Variants in GLI3 observed in about 807,000 individuals in gnomAD.
The protein encoded by GLI3 is GLI family zinc finger 3, also known as transcription activator GLI3.
GLI3 carries 20 observed loss-of-function variants against 100.8 expected under a neutral mutation model. The observed-to-expected ratio is 0.20, with a 90% CI of 0.14 to 0.29. The LOEUF (loss-of-function observed/expected upper bound fraction) is 0.29. Among genes scored for constraint, GLI3 ranks in the 10% least tolerant of loss-of-function variants. The pLI is 1.00. For synonymous variants in GLI3, 938 were observed against 860.5 expected (o/e 1.09, Z -1.58); for missense variants, 2,040 against 2,128.5 (o/e 0.96, Z 0.82).
chr7:42,199,724 G>A (rs1440999431), intron 2 of GLI3, among the ~76,000 whole-genome samples: 1 of 152,216 alleles, frequency 6.6e-6, no homozygotes, highest in Admixed American at 6.5e-5. Context: ...ATGATGGGCT[G>A]AGGCCAAGGA....
At chr7:42,045,844 A>T (rs956780131) in intron 5 of GLI3, among the ~76,000 whole-genome samples, 1 of 152,236 alleles carries the variant, frequency 6.6e-6, no homozygotes, top group Non-Finnish European at 1.5e-5. Flanking sequence ...CCCCAAATAA[A>T]ATCATTTTTA....
Position 42,045,421 on chromosome 7 carries a change from C to T in GLI3, c.789G>A (p.Thr263=), listed in dbSNP as rs199918341. 8 of 1,614,100 alleles carry T rather than the reference C, an allele frequency of 5.0e-6. No individual in the cohort carries two copies. The East Asian group carries it at 1.3e-4, about 27-fold the overall frequency. The change falls in exon 6 of 15, where the codon ACG becomes ACA. Residue 263 remains threonine (T), a synonymous_variant. Transcript: ENST00000395925. ...DIIPSAATAG[T]GAIHMEYLHA... ...GAAGATATTCCATGTGGATGGCCCC[C>T]GTGCCGGCGGTGGCAGCTGAGGGAA...
At chr7:42,039,348 A>C (rs846323) in intron 7 of GLI3, among the ~76,000 whole-genome samples, 1 of 152,028 alleles carries the variant, frequency 6.6e-6, no homozygotes, top group Non-Finnish European at 1.5e-5. Flanking sequence ...GTACCTTCAC[A>C]TGCAAAAACA....
chr7:41,996,681 T>C (rs1245462557), intron 10 of GLI3, among the ~76,000 whole-genome samples: 1 of 152,174 alleles, frequency 6.6e-6, no homozygotes, highest in Non-Finnish European at 1.5e-5. Context: ...ATGACAATGC[T>C]TTTAATCGCT....
rs1554337055 is a variant in GLI3, at chr7:42,182,660, A to ATATATATATATATACATGTGTGTGTG, written c.125-34193_125-34192insCACACACACATGTATATATATATATA. 1.4e-3 allele frequency among the ~76,000 whole-genome samples: 84 copies of ATATATATATATATACATGTGTGTGTG among 59,096 alleles called. 1 individual carries two copies. The highest frequency in any genetic ancestry group is 3.5e-3 in the African/African-American group (36 of 10,302). The allele number at this position is 59,096 out of a possible 152,430, so 38.8% of individuals were successfully genotyped here. The stretch of plus-strand genomic sequence containing the variant: ...TATGTGTGTGTATATATATATATAT[A>ATATATATATATATACATGTGTGTGTG]TATATATATATATATATATATACAC... On this transcript the variant is annotated intron_variant, in intron 2 of 14. Transcript: ENST00000395925.
intron 2 of GLI3, among the ~76,000 whole-genome samples, chr7:42,179,720 TGAGA>T (rs774935329): frequency 6.6e-6 from 1 of 151,918 alleles, no homozygotes; most frequent in Non-Finnish European, 1.5e-5. Context: ...TGTGTATGTG[TGAGA>T]GAGTGAGAGA....
At chr7:42,187,403 T>C (rs140215361) in intron 2 of GLI3, among the ~76,000 whole-genome samples, 11 of 152,272 alleles carry the variant, frequency 7.2e-5, no homozygotes, top group African/African-American at 1.4e-4. Flanking sequence ...TTATCAAGTT[T>C]ATCACTGAAG....
chr7:42,106,812 T>G (rs1785586641), intron 3 of GLI3, among the ~76,000 whole-genome samples: 2 of 152,150 alleles, frequency 1.3e-5, no homozygotes, highest in Non-Finnish European at 2.9e-5. Context: ...TTTGCTATTT[T>G]CCAGTGTCCC....
chr7:42,023,518 G>A lies in GLI3; in HGVS notation c.1447C>T (p.His483Tyr). 1.2e-6 allele frequency: 2 copies of A among 1,613,994 alleles called. No homozygotes were observed. The highest frequency in any genetic ancestry group is 1.7e-6 in the Non-Finnish European group (2 of 1,179,958). Residue 483 changes from histidine (H) to tyrosine (Y), a missense_variant, in exon 10 of 15, where the codon CAC becomes TAC. Transcript: ENST00000395925. ...AACTCCCTCGCGCAGCCTTCCCAGTGGCAGTTTGTCTCATAGATGACTTCA... is the reference window on the plus strand; with the variant it reads ...AACTCCCTCGCGCAGCCTTCCCAGTAGCAGTTTGTCTCATAGATGACTTCA... ...EPEVIYETNC[H>Y]WEGCAREFDT...
In GLI3 at chr7:41,963,520, C is replaced by T. The variant is rs758517726; in HGVS notation, c.*810G>A. On this transcript the variant is annotated 3_prime_UTR_variant, in exon 15 of 15. Coordinates refer to ENST00000395925, the MANE Select transcript of GLI3 (RefSeq NM_000168.6). The stretch of plus-strand genomic sequence containing the variant: ...CCAACTGTCCGTCCCTTCTCTCTAA[C>T]TGCAGTGCGAAACAGCACTGAATGT... 1 of 152,240 alleles carries T rather than the reference C, an allele frequency of 6.6e-6. No individual in the cohort carries two copies. The highest frequency in any genetic ancestry group is 1.5e-5 in the Non-Finnish European group (1 of 68,052). The allele number at this position is 152,240 out of a possible 1,614,324, so 9.4% of individuals were successfully genotyped here. A position where few individuals can be genotyped will look rare whatever the true frequency, so the allele number is the denominator to read the frequency against.
chr7:41,976,801 C>T (rs1787525118), intron 12 of GLI3, among the ~76,000 whole-genome samples: 1 of 152,212 alleles, frequency 6.6e-6, no homozygotes, highest in African/African-American at 2.4e-5. Flanking sequence ...AGAATTTGAG[C>T]TAGACCTCCA....
At chr7:42,181,964 G>A (rs1181748845) in intron 2 of GLI3, among the ~76,000 whole-genome samples, 1 of 152,176 alleles carries the variant, frequency 6.6e-6, no homozygotes, top group Non-Finnish European at 1.5e-5. Context: ...CCTTGTAGAT[G>A]AGCTAGCTTT....
intron 2 of GLI3, among the ~76,000 whole-genome samples, chr7:42,204,291 C>T (rs916390096): frequency 2.0e-5 from 3 of 152,110 alleles, no homozygotes; most frequent in African/African-American, 7.2e-5. Flanking sequence ...CCCAAACCAC[C>T]GAGAATGCTC....
At position 42,102,406 on chromosome 7, in the gene GLI3, C is replaced by T. The variant is rs970972804; in HGVS notation, c.368-25549G>A. ...GCTCATTCCCCCAGGGAGACTCTCA[C>T]GCCTGCTTCCTATGCCTCTACAGCA... On this transcript the variant is annotated intron_variant, in intron 3 of 14. Coordinates refer to ENST00000395925, the MANE Select transcript of GLI3 (RefSeq NM_000168.6). Among the ~76,000 whole-genome samples the T allele has an allele frequency of 9.9e-5, 15 of 152,226 alleles. No individual in the cohort carries two copies. In the South Asian group the frequency reaches 1.0e-3, roughly 11 times the overall value.
intron 7 of GLI3, among the ~76,000 whole-genome samples, chr7:42,029,938 G>A (rs78276944): frequency 0.032 from 4,901 of 152,286 alleles, 173 homozygotes; most frequent in African/African-American, 0.088. Flanking sequence ...GAGCAGACAC[G>A]CAGTACTGAG....
intron 7 of GLI3, among the ~76,000 whole-genome samples, chr7:42,037,505 T>C (rs566434437): frequency 6.6e-6 from 1 of 152,318 alleles, no homozygotes; most frequent in East Asian, 1.9e-4. Flanking sequence ...ATCATCATTA[T>C]ATGGGAAGCT....
chr7:42,174,039 A>G (rs1211030126), intron 2 of GLI3, among the ~76,000 whole-genome samples: 1 of 152,194 alleles, frequency 6.6e-6, no homozygotes. Flanking sequence ...ATAGCTGGTG[A>G]TATTTGATTT....
At chr7:42,139,740 A>G (rs1048266055) in intron 3 of GLI3, among the ~76,000 whole-genome samples, 10 of 152,292 alleles carry the variant, frequency 6.6e-5, no homozygotes, top group African/African-American at 2.2e-4. Context: ...TTAAAGACCA[A>G]TGAGACAGCA....
intron 2 of GLI3, among the ~76,000 whole-genome samples, chr7:42,220,336 A>G (rs942304462): frequency 2.6e-5 from 4 of 152,218 alleles, no homozygotes; most frequent in Non-Finnish European, 4.4e-5. Context: ...TGAAATATTC[A>G]TAGAGAAAAA....
Sources: allele counts gnomAD v4.1 joint callset (sites outside exome capture counted in the v4.1 genomes callset), GRCh38; gene constraint gnomAD v4.1.1; transcripts MANE v1.5; gene names NCBI Gene and HGNC (gene_info 2026-07-23, HGNC 2026-07-21).